Variants in RNF121 observed in about 807,000 individuals in gnomAD.
The protein encoded by RNF121 is ring finger protein 121, also known as E3 ubiquitin ligase RNF121.
RNF121 carries 21 observed loss-of-function variants against 46.5 expected under a neutral mutation model. The observed-to-expected ratio is 0.45, with a 90% CI of 0.32 to 0.65. The LOEUF (loss-of-function observed/expected upper bound fraction) is 0.65, where lower values mean the gene tolerates loss of function less well. Ranked by LOEUF, RNF121 falls within the 30% of genes least tolerant of loss-of-function variation. The pLI is 0.04. For synonymous variants in RNF121, 139 were observed against 144.7 expected, an observed-to-expected ratio of 0.96 and a Z score of 0.28; for missense variants, 346 against 416.0, an observed-to-expected ratio of 0.83 and a Z score of 1.46.
intron 1 of RNF121, among the ~76,000 whole-genome samples, chr11:71,947,981 T>C (rs943470891): frequency 6.6e-6 from 1 of 152,176 alleles, no homozygotes; most frequent in Non-Finnish European, 1.5e-5. Context: ...GTAAAGGCCT[T>C]AGGAGTTCAT....
chr11:71,996,306 C>A lies in RNF121; in HGVS notation c.975C>A (p.Gly325=). ...GVVQGINYIL[G]LE The stretch of plus-strand genomic sequence containing the variant: ...TCCAAGGCATCAACTACATCCTGGG[C>A]CTGGAATAGTGATGAAGAGCATCAG... Residue 325 remains glycine (G), a synonymous_variant, in exon 9 of 9, where the codon GGC becomes GGA. Coordinates refer to ENST00000361756, the MANE Select transcript of RNF121 (RefSeq NM_018320.5). 6.2e-7 allele frequency: 1 copy of A among 1,614,028 alleles called. No individual in the cohort carries two copies. Among genetic ancestry groups the A allele is most frequent in the Non-Finnish European group, 8.5e-7 (1 of 1,179,966 alleles).
chr11:71,992,724 C>A (rs1954887624), intron 6 of RNF121, among the ~76,000 whole-genome samples: 1 of 152,186 alleles, frequency 6.6e-6, no homozygotes, highest in African/African-American at 2.4e-5. Flanking sequence ...GATGGTAGTA[C>A]CTTTCACTGA....
intron 3 of RNF121, among the ~76,000 whole-genome samples, chr11:71,970,510 A>G (rs1457183247): frequency 6.6e-6 from 1 of 152,102 alleles, no homozygotes; most frequent in Non-Finnish European, 1.5e-5. Flanking sequence ...AAAATTTTAA[A>G]AATTAGCTGA....
At chr11:71,949,302 C>T (rs909508539) in intron 1 of RNF121, among the ~76,000 whole-genome samples, 4 of 152,046 alleles carry the variant, frequency 2.6e-5, no homozygotes, top group African/African-American at 4.8e-5. Context: ...CCTATAGTCC[C>T]AGCTACTCAG....
intron 1 of RNF121, among the ~76,000 whole-genome samples, chr11:71,945,080 T>G (rs1953682314): frequency 6.6e-6 from 1 of 152,038 alleles, no homozygotes; most frequent in Admixed American, 6.6e-5. Context: ...CTGAACCTCC[T>G]GGGCTCAAGT....
chr11:71,994,662 T>G, intron 6 of RNF121, 57 bp from the exon 7 acceptor site: 1 of 1,608,728 alleles, frequency 6.2e-7, no homozygotes, highest in Admixed American at 1.7e-5. Context: ...TGGAGCTTCC[T>G]ACTTTGGCTG....
chr11:71,929,076 G>A lies in RNF121; in HGVS notation c.15G>A (p.Val5=). The A allele has an allele frequency of 6.4e-7, 1 of 1,551,626 alleles. No homozygotes were observed. The change falls in exon 1 of 9, where the codon GTG becomes GTA. Residue 5 remains valine (V), a synonymous_variant. Coordinates refer to ENST00000361756, the MANE Select transcript of RNF121 (RefSeq NM_018320.5). The part of the protein sequence containing the change: MAAV[V]EVEVGGGAAG... The stretch of plus-strand genomic sequence containing the variant: ...GAGCCGTGAAGATGGCGGCAGTGGT[G>A]GAGGTGGAGGTTGGAGGTGGTGCTG...
chr11:71,964,465 T>C (rs1049484438), intron 3 of RNF121, among the ~76,000 whole-genome samples: 2 of 151,780 alleles, frequency 1.3e-5, no homozygotes, highest in Non-Finnish European at 2.9e-5. Flanking sequence ...TCTTTTCCAA[T>C]TGGATACCTT....
intron 2 of RNF121, among the ~76,000 whole-genome samples, chr11:71,958,882 C>A (rs1207703522): frequency 6.6e-6 from 1 of 152,192 alleles, no homozygotes; most frequent in Admixed American, 6.5e-5. Context: ...TTTTCTAGAT[C>A]ATTCTTTGAC....
At chr11:71,952,430 G>A (rs907756514) in intron 1 of RNF121, among the ~76,000 whole-genome samples, 5 of 152,130 alleles carry the variant, frequency 3.3e-5, no homozygotes, top group African/African-American at 1.2e-4. Context: ...TAAAAATCTC[G>A]AATAGTATAC....
chr11:71,976,366 T>C (rs935730742), intron 3 of RNF121, among the ~76,000 whole-genome samples: 3 of 137,426 alleles, frequency 2.2e-5, no homozygotes, highest in African/African-American at 8.2e-5. Flanking sequence ...TTTTTTTTTT[T>C]TTTTTTTGAG....
intron 4 of RNF121, among the ~76,000 whole-genome samples, chr11:71,984,930 T>C (rs1954743872): frequency 2.2e-5 from 1 of 44,532 alleles, no homozygotes; most frequent in African/African-American, 3.8e-5. Context: ...CAAAGCACTT[T>C]TTAAAAATAG....
At chr11:71,949,833 G>GA (rs1456494327) in intron 1 of RNF121, among the ~76,000 whole-genome samples, 20 of 147,208 alleles carry the variant, frequency 1.4e-4, no homozygotes, top group Admixed American at 4.7e-4. Context: ...TGTCTCTACT[G>GA]AAAAAAAAAA....
chr11:71,989,695 A>C (rs1954830875), intron 5 of RNF121, among the ~76,000 whole-genome samples: 2 of 152,218 alleles, frequency 1.3e-5, no homozygotes, highest in Non-Finnish European at 2.9e-5. Flanking sequence ...GGAATTATTA[A>C]AACAAACCTT....
chr11:71,950,516 G>A (rs1031699312), intron 1 of RNF121, among the ~76,000 whole-genome samples: 1 of 150,846 alleles, frequency 6.6e-6, no homozygotes, highest in Non-Finnish European at 1.5e-5. Context: ...CCCAGGAGGT[G>A]GAGGTTGCAG....
chr11:71,958,380 G>A (rs1954043638), intron 2 of RNF121, among the ~76,000 whole-genome samples: 1 of 152,146 alleles, frequency 6.6e-6, no homozygotes, highest in African/African-American at 2.4e-5. Context: ...GGGTGGCATT[G>A]GGAAAGAAGA....
rs191625190 is a variant in RNF121, at chr11:71,938,397, A to G, written c.63+9273A>G. Among the ~76,000 whole-genome samples, 16 of 135,586 alleles carry G rather than the reference A, an allele frequency of 1.2e-4. No individual in the cohort carries two copies. In the East Asian group the frequency reaches 3.4e-3, roughly 29 times the overall value. The allele number at this position is 135,586 out of a possible 152,430, so 88.9% of individuals were successfully genotyped here. On this transcript the variant is annotated intron_variant, in intron 1 of 8. Transcript: ENST00000361756. ...GTGCAGTGGTAGATCTCTGCTCACC[A>G]TAACCTCCGCCTCCTGGGTTCAAGC...
chr11:71,939,012 C>G (rs565991927), intron 1 of RNF121: 1 of 152,930 alleles, frequency 6.5e-6, no homozygotes, highest in Non-Finnish European at 1.5e-5. Context: ...TCAAGCGATT[C>G]TCCCACCTCA....
chr11:71,944,059 C>T (rs1485536414), intron 1 of RNF121, among the ~76,000 whole-genome samples: 7 of 152,076 alleles, frequency 4.6e-5, no homozygotes, highest in East Asian at 1.9e-4. Context: ...TGGCTGGGCA[C>T]GGTAACTCAT....
Sources: allele counts gnomAD v4.1 joint callset (sites outside exome capture counted in the v4.1 genomes callset), GRCh38; gene constraint gnomAD v4.1.1; transcripts MANE v1.5; gene names NCBI Gene and HGNC (gene_info 2026-07-23, HGNC 2026-07-21).